The following NEURL1 variants were observed in gnomAD, a reference collection of about 807,000 sequenced individuals.
The protein encoded by NEURL1 is E3 ubiquitin-protein ligase NEURL1.
NEURL1 carries 26 observed loss-of-function variants against 41.2 expected under a neutral mutation model. That is an observed-to-expected ratio of 0.63 (90% CI 0.46 to 0.87). The LOEUF (loss-of-function observed/expected upper bound fraction) is 0.87, where lower values mean the gene tolerates loss of function less well. Ranked by LOEUF, NEURL1 falls within the 40% of genes least tolerant of loss-of-function variation. The pLI, the probability that NEURL1 is intolerant of heterozygous loss-of-function variation, is 0.00. For synonymous variants in NEURL1, 400 were observed against 402.3 expected (o/e 0.99, Z 0.07); for missense variants, 761 against 871.1 (o/e 0.87, Z 1.59).
intron 1 of NEURL1, among the ~76,000 whole-genome samples, chr10:103,511,039 C>A (rs2034057661): frequency 6.6e-6 from 1 of 152,190 alleles, no homozygotes. Context: ...CCCGCATCCA[C>A]CCTGCTGCAG....
intron 1 of NEURL1, among the ~76,000 whole-genome samples, chr10:103,507,051 T>C (rs570586851): frequency 3.4e-4 from 52 of 152,246 alleles, no homozygotes; most frequent in Non-Finnish European, 5.9e-4. Context: ...TCATGGAGAT[T>C]GTTTTGCCCT....
At chr10:103,495,628 C>T (rs2033664651) in intron 1 of NEURL1, among the ~76,000 whole-genome samples, 1 of 152,120 alleles carries the variant, frequency 6.6e-6, no homozygotes, top group African/African-American at 2.4e-5. Flanking sequence ...GGAATTCTGT[C>T]CCTTCTTTTG....
At chr10:103,568,750 T>C (rs1017008158) in intron 1 of NEURL1, among the ~76,000 whole-genome samples, 1 of 152,170 alleles carries the variant, frequency 6.6e-6, no homozygotes, top group Non-Finnish European at 1.5e-5. Context: ...TAATCCTGCC[T>C]CTCTCCCCAC....
chr10:103,585,208 C>T lies in NEURL1; in HGVS notation c.1322C>T (p.Thr441Met), dbSNP rs2133885409. Residue 441 changes from threonine to methionine, a missense_variant, in exon 4 of 6, where the codon ACG (threonine) becomes ATG (methionine). Thr to Met is a moderately conservative substitution (Grantham distance 81). Coordinates refer to ENST00000369780, the MANE Select transcript of NEURL1 (RefSeq NM_004210.5). Reference protein sequence around the residue: ...WMLFGLHGTITQIRILGSTIL... With the variant: ...WMLFGLHGTIMQIRILGSTIL... The stretch of plus-strand genomic sequence containing the variant: ...CTCTTCGGCCTGCACGGGACCATCA[C>T]GCAGATCCGCATCCTCGGTGAGTGC... The T allele has an allele frequency of 1.9e-6, 3 of 1,548,346 alleles. No individual in the cohort carries two copies. The highest frequency in any genetic ancestry group is 1.7e-4 in the Middle Eastern group (1 of 5,892).
At chr10:103,585,484 A>G (rs1176158381) in intron 4 of NEURL1, among the ~76,000 whole-genome samples, 5 of 152,170 alleles carry the variant, frequency 3.3e-5, no homozygotes, top group Non-Finnish European at 7.4e-5. Context: ...AGATCAACCC[A>G]TAGTCTCACA....
chr10:103,533,611 A>C (rs2034622141), intron 1 of NEURL1, among the ~76,000 whole-genome samples: 1 of 151,682 alleles, frequency 6.6e-6, no homozygotes, highest in Non-Finnish European at 1.5e-5. Context: ...ATCTTGGCTC[A>C]CTGCAAGCTC....
At chr10:103,506,591 A>C in intron 1 of NEURL1, among the ~76,000 whole-genome samples, 4 of 143,946 alleles carry the variant, frequency 2.8e-5, no homozygotes, top group East Asian at 2.1e-4. Flanking sequence ...ACGGAGTCTC[A>C]CTCTGTCGCC....
intron 1 of NEURL1, among the ~76,000 whole-genome samples, chr10:103,568,489 A>G (rs974111621): frequency 1.3e-5 from 2 of 152,112 alleles, no homozygotes; most frequent in Admixed American, 1.3e-4. Context: ...GGGAGGGGGA[A>G]CCCCAAAGGA....
intron 3 of NEURL1, among the ~76,000 whole-genome samples, chr10:103,581,749 T>C (rs942190958): frequency 2.0e-5 from 3 of 152,330 alleles, no homozygotes; most frequent in African/African-American, 7.2e-5. Flanking sequence ...TCTAGAGTAC[T>C]GAGTCTGGTT....
chr10:103,588,760 A>C (rs1044527337), intron 4 of NEURL1: 2 of 416,860 alleles, frequency 4.8e-6, no homozygotes, highest in East Asian at 1.4e-4. Context: ...CTTGGCCAAC[A>C]TGGTGAAACC....
At chr10:103,589,731 G>A (rs1288966246) in intron 5 of NEURL1, 71 bp downstream of exon 5, 9 of 1,534,882 alleles carry the variant, frequency 5.9e-6, no homozygotes, top group South Asian at 1.3e-5. Context: ...CTTTGTGTCC[G>A]GGGCTGGGAG....
intron 1 of NEURL1, among the ~76,000 whole-genome samples, chr10:103,505,805 G>T (rs2033932915): frequency 6.6e-6 from 1 of 152,228 alleles, no homozygotes; most frequent in African/African-American, 2.4e-5. Context: ...GTACAGCAGG[G>T]CTGAGCCCTG....
chr10:103,583,502 G>A (rs1416483346), intron 3 of NEURL1, among the ~76,000 whole-genome samples: 4 of 151,864 alleles, frequency 2.6e-5, no homozygotes, highest in Non-Finnish European at 4.4e-5. Flanking sequence ...GATCGCTTGA[G>A]CCTAGGAGTT....
At chr10:103,519,752 C>T (rs2034302551) in intron 1 of NEURL1, among the ~76,000 whole-genome samples, 1 of 149,704 alleles carries the variant, frequency 6.7e-6, no homozygotes, top group Non-Finnish European at 1.5e-5. Context: ...ACTCTACTAC[C>T]ATCACCAGCA....
rs544513662 is a variant in NEURL1 at position 103,556,283 on chromosome 10, C to A, written c.86-14589C>A. Among the ~76,000 whole-genome samples, 13 of 152,320 alleles carry A rather than the reference C, an allele frequency of 8.5e-5. No homozygotes were observed. Among genetic ancestry groups the A allele is most frequent in the African/African-American group, 3.1e-4 (13 of 41,566 alleles). On this transcript the variant is annotated intron_variant, in intron 1 of 5. Coordinates refer to ENST00000369780, the MANE Select transcript of NEURL1 (RefSeq NM_004210.5). The surrounding 1 kb of genome is among the most constrained non-coding windows in gnomAD (Gnocchi z 4.4). ...GCCATGGCCGATGTGGCAGCAGACCCGGAGAAGCCTTCCTAGGGACTTGTG... is the reference window on the plus strand; with the variant it reads ...GCCATGGCCGATGTGGCAGCAGACCAGGAGAAGCCTTCCTAGGGACTTGTG...
chr10:103,525,644 G>C (rs929274314), intron 1 of NEURL1, among the ~76,000 whole-genome samples: 1 of 152,116 alleles, frequency 6.6e-6, no homozygotes, highest in African/African-American at 2.4e-5. Context: ...GTGAGCCATC[G>C]TGACTGTAAG....
At position 103,571,082 on chromosome 10, in the gene NEURL1, C is replaced by G; in HGVS notation, c.296C>G (p.Pro99Arg). Residue 99 changes from proline (P) to arginine (R), a missense_variant, in exon 2 of 6, where the codon CCG becomes CGG. Pro to Arg is a moderately radical substitution (Grantham distance 103). Around this residue, in one of 5 missense-constraint regions of NEURL1, gnomAD observed 65 missense variants for 131.6 expected, o/e 0.49. Transcript: ENST00000369780. ...AACGCCATCACCTTCAGCAACCGCC[C>G]GGTCCTCATCTACGAGCAAGTCAGG... ...FCNAITFSNRPVLIYEQVRLK... is the reference protein window; with the variant it reads ...FCNAITFSNRRVLIYEQVRLK... 1 of 1,613,762 alleles carries G rather than the reference C, an allele frequency of 6.2e-7. No individual in the cohort carries two copies. The highest frequency in any genetic ancestry group is 8.5e-7 in the Non-Finnish European group (1 of 1,180,002).
At chr10:103,543,354 C>A (rs2034859883) in intron 1 of NEURL1, among the ~76,000 whole-genome samples, 1 of 152,180 alleles carries the variant, frequency 6.6e-6, no homozygotes, top group Non-Finnish European at 1.5e-5. Flanking sequence ...ACAAGGAGGG[C>A]CCCCACTGGT....
chr10:103,510,510 C>T (rs751487295), intron 1 of NEURL1, among the ~76,000 whole-genome samples: 12 of 152,114 alleles, frequency 7.9e-5, no homozygotes, highest in South Asian at 2.1e-4. Flanking sequence ...CTCTGTGGGG[C>T]GGGAGATGGG....
Sources: gnomAD v4.1 joint callset for allele counts (sites outside exome capture counted in the v4.1 genomes callset) on GRCh38, gnomAD v4.1.1 for gene constraint, gnomAD v4.1.1 regional missense constraint, Gnocchi (gnomAD v3.1) non-coding constraint, MANE v1.5 for transcripts, NCBI Gene and HGNC (gene_info 2026-07-23, HGNC 2026-07-21) for gene names.